Variants in MYRF observed in about 807,000 individuals in gnomAD.
The protein encoded by MYRF is myelin gene regulatory factor.
A neutral mutation model predicts 126.3 loss-of-function variants in MYRF; 16 were observed. The observed-to-expected ratio is 0.13, with a 90% CI of 0.09 to 0.19. The LOEUF (loss-of-function observed/expected upper bound fraction) is 0.19. MYRF is among the 10% of genes least tolerant of loss of function. MYRF has a pLI of 1.00. For synonymous variants in MYRF, 608 were observed against 635.3 expected (o/e 0.96, Z 0.65); for missense variants, 1,104 against 1,547.0 (o/e 0.71, Z 4.80).
Position 61,752,641 on chromosome 11 carries a change from C to T in MYRF, c.-104C>T. The T allele has an allele frequency of 2.2e-6, 2 of 911,080 alleles. No individual in the cohort carries two copies. Among genetic ancestry groups the T allele is most frequent in the Non-Finnish European group, 1.4e-6 (1 of 712,696 alleles). 56.4% of individuals were successfully genotyped at this position (911,080 alleles called of 1,614,324 possible). On this transcript the variant is annotated 5_prime_UTR_variant, in exon 1 of 27. Coordinates refer to ENST00000278836, the MANE Select transcript of MYRF (RefSeq NM_001127392.3). Reference sequence around the variant, plus strand: ...GCGGCGGACCGGGCGGGACCGTAGCCGGAGCCCAGCCGGGACTGTCGCGCG... The same window carrying T: ...GCGGCGGACCGGGCGGGACCGTAGCTGGAGCCCAGCCGGGACTGTCGCGCG...
rs200421234 is a variant in MYRF at position 61,777,788 on chromosome 11, A to C, written c.1846A>C (p.Arg616=). 1,184 of 1,552,562 alleles carry C rather than the reference A, an allele frequency of 7.6e-4. 9 individuals are homozygous for C. The African/African-American group carries it at 0.015, about 19-fold the overall frequency. The change falls in exon 13 of 27, where the codon AGA becomes CGA. Residue 616 remains arginine (R), a synonymous_variant. Coordinates refer to ENST00000278836, the MANE Select transcript of MYRF (RefSeq NM_001127392.3). This position sits in a 1 kb window ranked among gnomAD's most constrained non-coding sequence, Gnocchi z 8.8. ...RISRMRLVHY[R]YKPEFAASAG... ...CTCGCGCATGCGGCTGGTGCACTAC[A>C]GATACAAGCCCGAGTTCGCCGCCAG... is the stretch of plus-strand genomic sequence containing the variant.
chr11:61,781,412 C>T, intron 21 of MYRF, 83 bp downstream of exon 21: 5 of 1,559,580 alleles, frequency 3.2e-6, no homozygotes, highest in Admixed American at 1.8e-5. Context: ...GTGGGAGGGT[C>T]TCCTGGAGCC....
intron 1 of MYRF, among the ~76,000 whole-genome samples, chr11:61,754,894 G>A (rs575487714): frequency 2.0e-5 from 3 of 152,350 alleles, no homozygotes; most frequent in South Asian, 4.1e-4. Flanking sequence ...CCCATGTGGG[G>A]GACCCACTGT....
At chr11:61,764,315 G>C (rs1005070768) in intron 1 of MYRF, among the ~76,000 whole-genome samples, 4 of 152,234 alleles carry the variant, frequency 2.6e-5, no homozygotes, top group Admixed American at 2.0e-4. Flanking sequence ...GAGGACGGCT[G>C]TTCCGACCGA....
At position 61,786,377 on chromosome 11, in the gene MYRF, G is replaced by A. The variant is rs2066695734; in HGVS notation, c.*234G>A. The A allele has an allele frequency of 5.2e-6, 3 of 577,760 alleles. No individual in the cohort carries two copies. Among genetic ancestry groups the A allele is most frequent in the Non-Finnish European group, 9.3e-6 (3 of 322,208 alleles). The allele number at this position is 577,760 out of a possible 1,614,324, so 35.8% of individuals were successfully genotyped here. ...AGAGACTTCTTGGGCCTTCCTGCCT[G>A]CCACCCCCTAGGGGCCAGGACAGGA... On this transcript the variant is annotated 3_prime_UTR_variant, in exon 27 of 27. Coordinates refer to ENST00000278836, the MANE Select transcript of MYRF (RefSeq NM_001127392.3). The surrounding 1 kb of genome is among the most constrained non-coding windows in gnomAD (Gnocchi z 4.5).
chr11:61,764,316 T>C (rs895689884), intron 1 of MYRF, among the ~76,000 whole-genome samples: 6 of 152,188 alleles, frequency 3.9e-5, no homozygotes, highest in African/African-American at 1.2e-4. Context: ...AGGACGGCTG[T>C]TCCGACCGAT....
intron 22 of MYRF, 165 bp downstream of exon 22, chr11:61,781,989 G>T: frequency 1.3e-6 from 1 of 752,082 alleles, no homozygotes; most frequent in Non-Finnish European, 2.0e-6. Flanking sequence ...GCCTTACATA[G>T]ATCATCCCAT....
In MYRF at chr11:61,770,218, G is replaced by A. The variant is rs182542962; in HGVS notation, c.461-28G>A. ...AGGAGCCTGAGTGAGGTTGGTCTCAGATGCCCGCTCCCCCATCTCTCCTGC... is the reference window on the plus strand; with the variant it reads ...AGGAGCCTGAGTGAGGTTGGTCTCAAATGCCCGCTCCCCCATCTCTCCTGC... On this transcript the variant is annotated intron_variant, in intron 4 of 26. Coordinates refer to ENST00000278836, the MANE Select transcript of MYRF (RefSeq NM_001127392.3). The A allele has an allele frequency of 4.6e-3, 7,168 of 1,562,578 alleles. 496 individuals carry two copies. In the Admixed American group the frequency reaches 0.12, roughly 26 times the overall value.
chr11:61,781,570 C>T lies in MYRF; in HGVS notation c.2765-3C>T, dbSNP rs1264602174. 3.1e-6 allele frequency: 5 copies of T among 1,612,590 alleles called. No individual in the cohort carries two copies. Among genetic ancestry groups the T allele is most frequent in the Non-Finnish European group, 4.2e-6 (5 of 1,179,488 alleles). ...CTTAGCCTGTGCCTGGTTCTATCCA[C>T]AGGCCCCAGCCAGATGGCCCTTCTG... On this transcript the variant is annotated splice_polypyrimidine_tract_variant and splice_region_variant and intron_variant, in intron 21 of 26. Transcript: ENST00000278836.
Position 61,777,489 on chromosome 11 carries a change from GGCGGGTCCAGACGCTGGAGCGGGCCGC to G in MYRF, c.1791+27_1791+53del. 6.4e-7 allele frequency: 1 copy of G among 1,573,962 alleles called. No individual in the cohort carries two copies. Among genetic ancestry groups the G allele is most frequent in the Non-Finnish European group, 8.6e-7 (1 of 1,159,628 alleles). On this transcript the variant is annotated intron_variant, in intron 12 of 26. Transcript: ENST00000278836. This position sits in a 1 kb window ranked among gnomAD's most constrained non-coding sequence, Gnocchi z 8.8. The stretch of plus-strand genomic sequence containing the variant: ...GGTGGGGACAGGGCTGTGGGGGCCG[GGCGGGTCCAGACGCTGGAGCGGGCCGC>G]GGGGGCGGGGCTCCTGGGGAGGGGG...
rs771771119 is a variant in MYRF, at chr11:61,765,743, G to A, written c.134+31G>A. 1.3e-5 allele frequency: 21 copies of A among 1,587,140 alleles called. 1 individual carries two copies. Among genetic ancestry groups the A allele is most frequent in the African/African-American group, 4.0e-5 (3 of 74,114 alleles). On this transcript the variant is annotated intron_variant, in intron 2 of 26. Transcript: ENST00000278836. ...TGGCCCCCTCGCCCGGCCTGCACCC[G>A]CCCAGCCCCAGCCCTTCGCCTCCCT...
Position 61,786,380 on chromosome 11 carries a change from A to C in MYRF, c.*237A>C. The C allele has an allele frequency of 1.7e-6, 1 of 572,800 alleles. No homozygotes were observed. The highest frequency in any genetic ancestry group is 3.1e-6 in the Non-Finnish European group (1 of 319,056). 35.5% of individuals were successfully genotyped at this position (572,800 alleles called of 1,614,324 possible). On this transcript the variant is annotated 3_prime_UTR_variant, in exon 27 of 27. Transcript: ENST00000278836. The surrounding 1 kb of genome is among the most constrained non-coding windows in gnomAD (Gnocchi z 4.5). ...GACTTCTTGGGCCTTCCTGCCTGCC[A>C]CCCCCTAGGGGCCAGGACAGGACCA...
At chr11:61,755,048 T>G (rs2065708858) in intron 1 of MYRF, among the ~76,000 whole-genome samples, 1 of 152,200 alleles carries the variant, frequency 6.6e-6, no homozygotes, top group Non-Finnish European at 1.5e-5. Flanking sequence ...TGGGGACACC[T>G]GAGCTCTCAT....
intron 1 of MYRF, among the ~76,000 whole-genome samples, chr11:61,758,729 A>G (rs1415097758): frequency 6.6e-6 from 1 of 152,170 alleles, no homozygotes; most frequent in African/African-American, 2.4e-5. Context: ...CTAGAATGCT[A>G]GGCATTTTGC....
chr11:61,784,200 G>A (rs527541415), intron 24 of MYRF, 80 bp from the exon 25 acceptor site: 142 of 1,324,344 alleles, frequency 1.1e-4, no homozygotes, highest in Middle Eastern at 1.8e-4. Flanking sequence ...ATTCAGAGGC[G>A]TGTGGCAGGC....
rs768889211 is a variant in MYRF at position 61,780,947 on chromosome 11, C to G, written c.2487-13C>G. On this transcript the variant is annotated splice_polypyrimidine_tract_variant and intron_variant, in intron 19 of 26. Coordinates refer to ENST00000278836, the MANE Select transcript of MYRF (RefSeq NM_001127392.3). ...CCCAGCCCCTCTGAGCTCAGCCCAT[C>G]CTTCCCCAGCAGGTCCAGCCAGAGC... 2 of 1,609,080 alleles carry G rather than the reference C, an allele frequency of 1.2e-6. No homozygotes were observed. Among genetic ancestry groups the G allele is most frequent in the Non-Finnish European group, 8.5e-7 (1 of 1,179,898 alleles).
In MYRF at chr11:61,777,651, C is replaced by T; in HGVS notation, c.1792-83C>T. On this transcript the variant is annotated intron_variant, in intron 12 of 26. Coordinates refer to ENST00000278836, the MANE Select transcript of MYRF (RefSeq NM_001127392.3). This position sits in a 1 kb window ranked among gnomAD's most constrained non-coding sequence, Gnocchi z 8.8. ...GGGTCTCCTCTCCACACTGCAGCCT[C>T]CAGGCTGCCGCCCTCCTGGGCTCCG... The T allele has an allele frequency of 5.0e-6, 7 of 1,403,752 alleles. No homozygotes were observed. The highest frequency in any genetic ancestry group is 6.8e-6 in the Non-Finnish European group (7 of 1,022,798). 87.0% of individuals were successfully genotyped at this position (1,403,752 alleles called of 1,614,324 possible).
chr11:61,771,830 C>A lies in MYRF; in HGVS notation c.993C>A (p.Gly331=). 6.2e-7 allele frequency: 1 copy of A among 1,614,122 alleles called. No homozygotes were observed. Among genetic ancestry groups the A allele is most frequent in the South Asian group, 1.1e-5 (1 of 91,082 alleles). The part of the protein sequence containing the change: ...PWHPPGAPSP[G]LLQDSDSLSG... ...CACATGGGCGTTCCCTCCCTCCAGG[C>A]CTCCTGCAGGACAGTGACAGCCTCA... The change falls in exon 7 of 27, where the codon GGC becomes GGA. Residue 331 remains glycine (G), a splice_region_variant and synonymous_variant. Coordinates refer to ENST00000278836, the MANE Select transcript of MYRF (RefSeq NM_001127392.3).
In MYRF at chr11:61,776,382, G is replaced by A. The variant is rs369180750; in HGVS notation, c.1449G>A (p.Glu483=). 1.9e-6 allele frequency: 3 copies of A among 1,613,098 alleles called. No individual in the cohort carries two copies. The highest frequency in any genetic ancestry group is 2.7e-5 in the African/African-American group (2 of 74,910). The change falls in exon 10 of 27, where the codon GAG becomes GAA. Residue 483 remains glutamate (E), a synonymous_variant. Transcript: ENST00000278836. This position sits in a 1 kb window ranked among gnomAD's most constrained non-coding sequence, Gnocchi z 4.3. The part of the protein sequence containing the change: ...KVTVGRLHFS[E]TTANNMRKKG... ...CTGTGGGGCGGCTGCACTTCAGCGA[G>A]ACCACCGCTAACAACATGCGTAAGA...
Sources: allele counts gnomAD v4.1 joint callset (sites outside exome capture counted in the v4.1 genomes callset), GRCh38; gene constraint gnomAD v4.1.1; non-coding constraint Gnocchi (gnomAD v3.1); transcripts MANE v1.5; gene names NCBI Gene and HGNC (gene_info 2026-07-23, HGNC 2026-07-21).